Variants in SCUBE2 observed in about 807,000 individuals in gnomAD.
SCUBE2 encodes signal peptide, CUB and EGF-like domain-containing protein 2.
Under a neutral mutation model 125.9 loss-of-function variants are expected in SCUBE2, and 114 were observed. That is an observed-to-expected ratio of 0.91 (90% CI 0.78 to 1.06). The LOEUF is 1.06. Ranked by LOEUF, SCUBE2 falls within the 50% of genes least tolerant of loss-of-function variation. SCUBE2 has a pLI of 0.00. For missense variants in SCUBE2, 1,255 were observed against 1,301.8 expected (o/e 0.96, Z 0.55); for synonymous variants, 459 against 492.9 (o/e 0.93, Z 0.91).
chr11:9,047,926 A>G lies in SCUBE2; in HGVS notation c.1795+17T>C, dbSNP rs1857964967. 1 of 1,597,160 alleles carries G rather than the reference A, an allele frequency of 6.3e-7. No homozygotes were observed. The highest frequency in any genetic ancestry group is 8.5e-7 in the Non-Finnish European group (1 of 1,171,496). ...AGCCGTGAGAAGCCTGGCAATGCAG[A>G]CTGTTTTCAAACCAACCTGTCACCT... On this transcript the variant is annotated intron_variant, in intron 15 of 22. Coordinates refer to ENST00000649792, the MANE Select transcript of SCUBE2 (RefSeq NM_001367977.2).
At chr11:9,054,725 A>ATATATATATATATGTTTT (rs1368153935) in intron 10 of SCUBE2, among the ~76,000 whole-genome samples, 1 of 22,344 alleles carries the variant, frequency 4.5e-5, no homozygotes, top group Non-Finnish European at 7.1e-5. Context: ...ATATATATAT[A>ATATATATATATATGTTTT]TTTTTTTTTT....
chr11:9,064,902 G>A (rs1860060464), intron 7 of SCUBE2: 1 of 152,066 alleles, frequency 6.6e-6, no homozygotes, highest in Non-Finnish European at 1.5e-5. Context: ...CCACCCCCAT[G>A]ACCACCTCTA....
At chr11:9,056,766 A>G (rs1859130774) in intron 9 of SCUBE2, among the ~76,000 whole-genome samples, 1 of 152,208 alleles carries the variant, frequency 6.6e-6, no homozygotes, top group Admixed American at 6.5e-5. Context: ...GGATTTTAAC[A>G]TAGTTACGAC....
Position 9,033,785 on chromosome 11 carries a change from C to A in SCUBE2, c.2014G>T (p.Ala672Ser). ...HAENQCVSCR[A>S]GTYYDGARER... ...CGTGCTCCATCATAATAGGTCCCAG[C>A]CCTGCAACTGACTAGCCAAAAGGGA... Residue 672 changes from alanine (A) to serine (S), a missense_variant, in exon 17 of 23, where the codon GCT becomes TCT. By Grantham distance (99) the Ala-to-Ser change is moderately conservative (BLOSUM62 1). Around this residue, in one of 3 missense-constraint regions of SCUBE2, gnomAD observed 515 missense variants for 515.7 expected, o/e 1.00. Coordinates refer to ENST00000649792, the MANE Select transcript of SCUBE2 (RefSeq NM_001367977.2). 1.2e-6 allele frequency: 2 copies of A among 1,614,070 alleles called. No homozygotes were observed. Among genetic ancestry groups the A allele is most frequent in the Non-Finnish European group, 1.7e-6 (2 of 1,179,980 alleles).
At position 9,091,003 on chromosome 11, in the gene SCUBE2, C is replaced by T. The variant is rs546053580; in HGVS notation, c.133+393G>A. 2.6e-3 allele frequency among the ~76,000 whole-genome samples: 398 copies of T among 152,312 alleles called. No individual in the cohort carries two copies. The highest frequency in any genetic ancestry group is 6.1e-3 in the Admixed American group (93 of 15,310). Reference sequence around the variant, plus strand: ...ACTTGCCGGCCCCCAAAGAAAGAAACGGCAAAGCTGCCACCGCCTCGCGGA... The same window carrying T: ...ACTTGCCGGCCCCCAAAGAAAGAAATGGCAAAGCTGCCACCGCCTCGCGGA... On this transcript the variant is annotated intron_variant, in intron 1 of 22. Transcript: ENST00000649792. The surrounding 1 kb of genome is among the most constrained non-coding windows in gnomAD (Gnocchi z 8.5).
At chr11:9,038,416 G>GACTT (rs1178518513) in intron 16 of SCUBE2, among the ~76,000 whole-genome samples, 1 of 152,178 alleles carries the variant, frequency 6.6e-6, no homozygotes, top group East Asian at 1.9e-4. Flanking sequence ...GAGGCAGGAG[G>GACTT]ACTGCTTGAG....
rs779295758 is a variant in SCUBE2 at position 9,091,374 on chromosome 11, G to T, written c.133+22C>A. ...TGGCCCTGCCTGCTGTGCCAGGTGC[G>T]CCCCCGCGGCCGGACACTCACCCTC... On this transcript the variant is annotated intron_variant, in intron 1 of 22. Transcript: ENST00000649792. The surrounding 1 kb of genome is among the most constrained non-coding windows in gnomAD (Gnocchi z 8.5). 2 of 1,297,570 alleles carry T rather than the reference G, an allele frequency of 1.5e-6. No homozygotes were observed. Among genetic ancestry groups the T allele is most frequent in the Admixed American group, 3.6e-5 (1 of 28,138 alleles). 80.4% of individuals were successfully genotyped at this position (1,297,570 alleles called of 1,614,324 possible).
intron 3 of SCUBE2, 135 bp downstream of exon 3, chr11:9,079,249 C>T (rs181833741): frequency 1.3e-5 from 11 of 865,968 alleles, no homozygotes; most frequent in African/African-American, 8.5e-5. Context: ...TTTTCTATCA[C>T]GGAGTCTGAC....
chr11:9,088,075 T>A lies in SCUBE2; in HGVS notation c.256+1632A>T, dbSNP rs182307246. 5.3e-3 allele frequency among the ~76,000 whole-genome samples: 813 copies of A among 152,394 alleles called. 49 individuals carry two copies. The highest frequency in any genetic ancestry group is 0.048 in the Admixed American group (740 of 15,308). On this transcript the variant is annotated intron_variant, in intron 2 of 22. Transcript: ENST00000649792. ...CCAGGCACTGCTGAGCATTATATAC[T>A]GTTCCAATATTTAGAATCTTTATTA... is the stretch of plus-strand genomic sequence containing the variant.
chr11:9,069,629 A>G (rs1160617023), intron 4 of SCUBE2, 134 bp from the exon 5 acceptor site: 4 of 1,166,016 alleles, frequency 3.4e-6, no homozygotes, highest in Non-Finnish European at 3.6e-6. Context: ...TTTGAAAAGT[A>G]TATGTCATTA....
At chr11:9,088,227 C>T (rs1862285649) in intron 2 of SCUBE2, among the ~76,000 whole-genome samples, 1 of 152,250 alleles carries the variant, frequency 6.6e-6, no homozygotes, top group Non-Finnish European at 1.5e-5. Context: ...GTGGCTCATG[C>T]CTGTAATCCC....
intron 13 of SCUBE2, among the ~76,000 whole-genome samples, chr11:9,051,960 C>T (rs1009260936): frequency 3.3e-5 from 5 of 152,144 alleles, no homozygotes; most frequent in African/African-American, 1.2e-4. Context: ...AGACTCTGGA[C>T]CCAGACTGCC....
At position 9,052,835 on chromosome 11, in the gene SCUBE2, G is replaced by A. The variant is rs376264866; in HGVS notation, c.1448-3C>T. On this transcript the variant is annotated splice_region_variant and splice_polypyrimidine_tract_variant and intron_variant, in intron 12 of 22. Transcript: ENST00000649792. ...GACAGAGTAGGCCCCTTGCAGTCCTGACAGACAGAATGTCAATTGTCAAAT... is the reference window on the plus strand; with the variant it reads ...GACAGAGTAGGCCCCTTGCAGTCCTAACAGACAGAATGTCAATTGTCAAAT... The A allele has an allele frequency of 6.5e-7, 1 of 1,534,842 alleles. No individual in the cohort carries two copies. The highest frequency in any genetic ancestry group is 8.7e-7 in the Non-Finnish European group (1 of 1,144,940).
rs2135756505 is a variant in SCUBE2 at position 9,069,440 on chromosome 11, G to A, written c.573C>T (p.Ala191=). Residue 191 remains alanine (A), a synonymous_variant, in exon 5 of 23, where the codon GCC becomes GCT. Transcript: ENST00000649792. ...ACTCACAGGCGACGCTGCCCCTTGG[G>A]GCCTCCTTGCAGATGTGACTACAGC... ...DHGCSHICKE[A]PRGSVACECR... is the part of the protein sequence containing the mutation. 1 of 1,614,222 alleles carries A rather than the reference G, an allele frequency of 6.2e-7. No homozygotes were observed. The highest frequency in any genetic ancestry group is 2.2e-5 in the East Asian group (1 of 44,888).
At position 9,021,212 on chromosome 11, in the gene SCUBE2, A is replaced by T; in HGVS notation, c.2935-15T>A. On this transcript the variant is annotated splice_polypyrimidine_tract_variant and intron_variant, in intron 22 of 22. Coordinates refer to ENST00000649792, the MANE Select transcript of SCUBE2 (RefSeq NM_001367977.2). Reference sequence around the variant, plus strand: ...AGTTTCTTATCCTAAAAAGAACAGAATTTTTGTTACTGGGCCAAAATATTT... The same window carrying T: ...AGTTTCTTATCCTAAAAAGAACAGATTTTTTGTTACTGGGCCAAAATATTT... The T allele has an allele frequency of 6.5e-7, 1 of 1,540,616 alleles. No individual in the cohort carries two copies. The highest frequency in any genetic ancestry group is 8.7e-7 in the Non-Finnish European group (1 of 1,143,042).
intron 2 of SCUBE2, among the ~76,000 whole-genome samples, chr11:9,088,126 T>A (rs1237828342): frequency 6.6e-6 from 1 of 152,220 alleles, no homozygotes; most frequent in Non-Finnish European, 1.5e-5. Flanking sequence ...ATGAAACAGA[T>A]TGGTTTGAAA....
rs139741503 is a variant in SCUBE2 at position 9,027,479 on chromosome 11, G to C, written c.2586C>G (p.Thr862=). Residue 862 remains threonine (T), a synonymous_variant, in exon 20 of 23, where the codon ACC becomes ACG. Coordinates refer to ENST00000649792, the MANE Select transcript of SCUBE2 (RefSeq NM_001367977.2). The part of the protein sequence containing the change: ...PNYPGNYPAN[T]ECTWTINPPP... ...GTGGGTTGATGGTCCACGTACACTC[G>C]GTGTTGGCTGGGTAATTGCCTGGGT... 1 of 1,614,032 alleles carries C rather than the reference G, an allele frequency of 6.2e-7. No homozygotes were observed. The highest frequency in any genetic ancestry group is 8.5e-7 in the Non-Finnish European group (1 of 1,180,002).
intron 7 of SCUBE2, among the ~76,000 whole-genome samples, chr11:9,062,969 G>A (rs1371718503): frequency 3.3e-5 from 5 of 152,076 alleles, no homozygotes; most frequent in Non-Finnish European, 7.4e-5. Flanking sequence ...AGACGGGTGC[G>A]GTGGCTCATG....
intron 9 of SCUBE2, among the ~76,000 whole-genome samples, chr11:9,057,775 G>A (rs1318819969): frequency 2.6e-5 from 4 of 151,950 alleles, no homozygotes; most frequent in East Asian, 1.9e-4. Context: ...ACAAGTGATC[G>A]ACCTGCCTCA....
Sources: allele counts gnomAD v4.1 joint callset (sites outside exome capture counted in the v4.1 genomes callset), GRCh38; gene constraint gnomAD v4.1.1; regional missense constraint gnomAD v4.1.1; non-coding constraint Gnocchi (gnomAD v3.1); transcripts MANE v1.5; gene names NCBI Gene and HGNC (gene_info 2026-07-23, HGNC 2026-07-21).